The following DMD variants were observed in gnomAD, a reference collection of about 807,000 sequenced individuals.
DMD encodes the protein dystrophin.
Under a neutral mutation model 330.1 loss-of-function variants are expected in DMD, and 63 were observed. That is an observed-to-expected ratio of 0.19 (90% CI 0.16 to 0.24). The LOEUF (loss-of-function observed/expected upper bound fraction) is 0.24. Ranked by LOEUF, DMD falls within the 10% of genes least tolerant of loss-of-function variation. The pLI is 1.00. For missense variants in DMD, 3,344 were observed against 2,684.1 expected (o/e 1.25, Z -5.43); for synonymous variants, 1,223 against 959.8 (o/e 1.27, Z -5.07).
At chrX:32,397,326 G>A (rs745324917) in intron 30 of DMD, among the ~76,000 whole-genome samples, 78 of 111,531 alleles carry the variant, frequency 7.0e-4, no homozygotes, top group Non-Finnish European at 1.2e-3. Flanking sequence ...GCCTGGCTTC[G>A]TATAAAATCA....
chrX:31,350,073 ATTTAC>A (rs2148501797), intron 60 of DMD, among the ~76,000 whole-genome samples: 1 of 110,851 alleles, frequency 9.0e-6, no homozygotes, highest in African/African-American at 3.3e-5. Context: ...ACAATGCAGG[ATTTAC>A]TTTATTTTAT....
intron 51 of DMD, among the ~76,000 whole-genome samples, chrX:31,731,962 G>C (rs2086538596): frequency 9.0e-6 from 1 of 111,409 alleles, no homozygotes; most frequent in South Asian, 3.7e-4. Context: ...GCTGAAATTA[G>C]CAAGCATGTC....
chrX:32,457,307 A>T (rs756259171), intron 25 of DMD, among the ~76,000 whole-genome samples: 4 of 111,372 alleles, frequency 3.6e-5, no homozygotes, highest in Admixed American at 9.6e-5. Flanking sequence ...ATTGGCATCA[A>T]GAGAGAAGGG....
chrX:31,424,372 G>C (rs933279333), intron 60 of DMD, among the ~76,000 whole-genome samples: 10 of 111,761 alleles, frequency 8.9e-5, no homozygotes, highest in African/African-American at 3.2e-4. Context: ...TCTCTGCATA[G>C]ACTGTGATTG....
chrX:32,802,098 G>A (rs2076614167), intron 7 of DMD, among the ~76,000 whole-genome samples: 1 of 111,617 alleles, frequency 9.0e-6, no homozygotes, highest in Non-Finnish European at 1.9e-5. Context: ...ATTACTTCGG[G>A]CAGTATGGCC....
intron 54 of DMD, among the ~76,000 whole-genome samples, chrX:31,647,236 G>A (rs2080157398): frequency 8.9e-6 from 1 of 111,732 alleles, no homozygotes; most frequent in Non-Finnish European, 1.9e-5. Context: ...GGGAATAGCT[G>A]CCTGAAACCT....
chrX:32,850,031 G>C (rs755668916), intron 2 of DMD, among the ~76,000 whole-genome samples: 1 of 111,893 alleles, frequency 8.9e-6, no homozygotes, highest in African/African-American at 3.2e-5. Context: ...GAATTAGTTT[G>C]AATAGCAAGA....
intron 2 of DMD, among the ~76,000 whole-genome samples, chrX:33,011,749 A>T (rs772110701): frequency 1.8e-5 from 2 of 111,883 alleles, no homozygotes; most frequent in South Asian, 7.3e-4. Context: ...GGATGGTACC[A>T]GAGTGTCAAT....
At chrX:31,937,261 G>T (rs189765386) in intron 45 of DMD, among the ~76,000 whole-genome samples, 1 of 110,886 alleles carries the variant, frequency 9.0e-6, no homozygotes, top group Admixed American at 9.7e-5. Flanking sequence ...TTAACCTTCA[G>T]CATCAATTTG....
chrX:31,588,341 C>T (rs1441348024), intron 55 of DMD, among the ~76,000 whole-genome samples: 1 of 111,018 alleles, frequency 9.0e-6, no homozygotes, highest in East Asian at 2.8e-4. Flanking sequence ...TCCGTATCCC[C>T]AACTACCTTC....
chrX:31,893,004 T>G (rs1017145855), intron 47 of DMD, among the ~76,000 whole-genome samples: 1 of 112,078 alleles, frequency 8.9e-6, no homozygotes, highest in Non-Finnish European at 1.9e-5. Flanking sequence ...CACATTACGC[T>G]CTGTAATAAT....
intron 7 of DMD, among the ~76,000 whole-genome samples, chrX:32,788,480 T>A (rs962928111): frequency 4.3e-4 from 48 of 112,232 alleles, no homozygotes; most frequent in African/African-American, 1.5e-3. Flanking sequence ...AAAGATTCTA[T>A]GACAGTGTAT....
intron 43 of DMD, among the ~76,000 whole-genome samples, chrX:32,278,064 G>C (rs763319562): frequency 9.9e-5 from 11 of 111,145 alleles, no homozygotes; most frequent in Non-Finnish European, 1.7e-4. Flanking sequence ...CAAATCTTGA[G>C]CCAGACTAAT....
chrX:31,869,471 C>T (rs761700084), intron 48 of DMD, among the ~76,000 whole-genome samples: 1 of 103,109 alleles, frequency 9.7e-6, no homozygotes, highest in South Asian at 4.4e-4. Flanking sequence ...ACATTTTGTC[C>T]GTCCTTACCA....
intron 12 of DMD, among the ~76,000 whole-genome samples, chrX:32,612,543 C>T (rs758642819): frequency 1.3e-4 from 14 of 111,589 alleles, no homozygotes; most frequent in South Asian, 3.7e-4. Flanking sequence ...GGGAAGCCAA[C>T]GGGTTGGACA....
chrX:31,238,595 TAA>T (rs1683829989), intron 63 of DMD, among the ~76,000 whole-genome samples: 1 of 111,901 alleles, frequency 8.9e-6, no homozygotes, highest in African/African-American at 3.3e-5. Context: ...TCAGCTTTGT[TAA>T]AGATAAAATG....
At chrX:31,126,041 C>T (rs982357052) in intron 78 of DMD, among the ~76,000 whole-genome samples, 3 of 111,270 alleles carry the variant, frequency 2.7e-5, no homozygotes, top group Admixed American at 1.9e-4. Flanking sequence ...ATCTGTAAAA[C>T]GGGGTTAATA....
intron 52 of DMD, among the ~76,000 whole-genome samples, chrX:31,714,859 T>C (rs902426846): frequency 1.8e-5 from 2 of 111,791 alleles, no homozygotes; most frequent in Non-Finnish European, 3.8e-5. Flanking sequence ...CAAAGTATTA[T>C]GGACAGCCTG....
intron 9 of DMD, among the ~76,000 whole-genome samples, chrX:32,684,614 T>C (rs944608999): frequency 8.5e-4 from 95 of 111,954 alleles, no homozygotes; most frequent in African/African-American, 2.9e-3. Flanking sequence ...TGTTTCTTTA[T>C]GTTCTGCAAA....
Sources: gnomAD v4.1 joint callset for allele counts (sites outside exome capture counted in the v4.1 genomes callset) on GRCh38, gnomAD v4.1.1 for gene constraint, MANE v1.5 for transcripts, NCBI Gene and HGNC (gene_info 2026-07-23, HGNC 2026-07-21) for gene names.